The following GALNT18 variants were observed in gnomAD, a reference collection of about 807,000 sequenced individuals.
GALNT18 encodes the protein polypeptide N-acetylgalactosaminyltransferase 18.
Under a neutral mutation model 69.5 loss-of-function variants are expected in GALNT18, and 44 were observed. The ratio of observed to expected loss-of-function variants is 0.63; its 90% confidence interval spans 0.50 to 0.81. The LOEUF (loss-of-function observed/expected upper bound fraction) is 0.81, where lower values mean the gene tolerates loss of function less well. Among genes scored for constraint, GALNT18 ranks in the 40% least tolerant of loss-of-function variants. GALNT18 has a pLI of 0.00. For synonymous variants in GALNT18, 364 were observed against 318.2 expected (o/e 1.14, Z -1.53); for missense variants, 715 against 810.0 (o/e 0.88, Z 1.42).
chr11:11,339,656 T>C lies in GALNT18; in HGVS notation c.1278+1163A>G, dbSNP rs1850169300. On this transcript the variant is annotated intron_variant, in intron 7 of 10. Coordinates refer to ENST00000227756, the MANE Select transcript of GALNT18 (RefSeq NM_198516.3). This position sits in a 1 kb window ranked among gnomAD's most constrained non-coding sequence, Gnocchi z 5.2. ...TACTGTCAGGAATGCAATCCCGGGC[T>C]GGTACATTAGAGTTGGCTGCACTCT... Among the ~76,000 whole-genome samples, 1 of 152,216 alleles carries C rather than the reference T, an allele frequency of 6.6e-6. No homozygotes were observed. Among genetic ancestry groups the C allele is most frequent in the East Asian group, 1.9e-4 (1 of 5,192 alleles).
At chr11:11,534,440 G>A (rs938251318) in intron 1 of GALNT18, among the ~76,000 whole-genome samples, 1 of 152,180 alleles carries the variant, frequency 6.6e-6, no homozygotes, top group African/African-American at 2.4e-5. Context: ...ACAGACATTT[G>A]CTCAATGCCA....
chr11:11,478,903 C>T (rs997590517), intron 1 of GALNT18, among the ~76,000 whole-genome samples: 17 of 152,002 alleles, frequency 1.1e-4, no homozygotes, highest in African/African-American at 3.1e-4. Context: ...CTGTCTGTCT[C>T]TTGCGGCATC....
chr11:11,373,139 G>C (rs1850952586), intron 5 of GALNT18, among the ~76,000 whole-genome samples: 1 of 151,980 alleles, frequency 6.6e-6, no homozygotes, highest in Non-Finnish European at 1.5e-5. Context: ...TGTCCATGAG[G>C]AATTTTAAGC....
At chr11:11,567,778 C>A (rs1277886523) in intron 1 of GALNT18, among the ~76,000 whole-genome samples, 2 of 152,190 alleles carry the variant, frequency 1.3e-5, no homozygotes, top group Non-Finnish European at 2.9e-5. Flanking sequence ...GACTTAGGAT[C>A]CAGAATTCTT....
At chr11:11,303,083 GGGCACTC>G in intron 9 of GALNT18, among the ~76,000 whole-genome samples, 1 of 152,126 alleles carries the variant, frequency 6.6e-6, no homozygotes, top group Non-Finnish European at 1.5e-5. Flanking sequence ...CCATGCATCT[GGGCACTC>G]CCCAGCCCTG....
At position 11,475,591 on chromosome 11, in the gene GALNT18, G is replaced by A. The variant is rs911506198; in HGVS notation, c.236-26655C>T. On this transcript the variant is annotated intron_variant, in intron 1 of 10. Coordinates refer to ENST00000227756, the MANE Select transcript of GALNT18 (RefSeq NM_198516.3). ...AATCTTCAAAACTTGGCCAGAGGCT[G>A]TTGCATCTTGTTACTTATGCTCACT... 3.7e-4 allele frequency: 56 copies of A among 152,320 alleles called. 1 individual carries two copies. Among genetic ancestry groups the A allele is most frequent in the Admixed American group, 2.4e-3 (37 of 15,308 alleles). The allele number at this position is 152,320 out of a possible 1,614,324, so 9.4% of individuals were successfully genotyped here. A position where few individuals can be genotyped will look rare whatever the true frequency, so the allele number is the denominator to read the frequency against.
At chr11:11,289,337 G>T (rs1299707596) in intron 10 of GALNT18, among the ~76,000 whole-genome samples, 4 of 152,192 alleles carry the variant, frequency 2.6e-5, no homozygotes, top group African/African-American at 7.2e-5. Flanking sequence ...TTTTGTAGAA[G>T]GATCAAATAT....
intron 1 of GALNT18, among the ~76,000 whole-genome samples, chr11:11,452,725 T>G (rs1019174160): frequency 6.6e-6 from 1 of 152,142 alleles, no homozygotes; most frequent in Non-Finnish European, 1.5e-5. Flanking sequence ...ACAGGGGTCC[T>G]GGGGTGTTTG....
At position 11,582,412 on chromosome 11, in the gene GALNT18, G is replaced by C. The variant is rs1315587997; in HGVS notation, c.235+38947C>G. Reference sequence around the variant, plus strand: ...CCGTGGCTTGCAGTGCTATCCAGTGGGGGATTCTGTGTCCCATCCCACAGT... The same window carrying C: ...CCGTGGCTTGCAGTGCTATCCAGTGCGGGATTCTGTGTCCCATCCCACAGT... On this transcript the variant is annotated intron_variant, in intron 1 of 10. Coordinates refer to ENST00000227756, the MANE Select transcript of GALNT18 (RefSeq NM_198516.3). The surrounding 1 kb of genome is among the most constrained non-coding windows in gnomAD (Gnocchi z 5.0). 6.6e-6 allele frequency among the ~76,000 whole-genome samples: 1 copy of C among 152,244 alleles called. No homozygotes were observed. The highest frequency in any genetic ancestry group is 1.5e-5 in the Non-Finnish European group (1 of 68,046).
At chr11:11,329,458 C>T (rs1210105778) in intron 8 of GALNT18, among the ~76,000 whole-genome samples, 1 of 152,204 alleles carries the variant, frequency 6.6e-6, no homozygotes, top group Non-Finnish European at 1.5e-5. Context: ...GCTATTCAGC[C>T]TGTGTGGACA....
At chr11:11,449,101 T>C (rs1855732223) in intron 1 of GALNT18, among the ~76,000 whole-genome samples, 165 bp from the exon 2 acceptor site, 2 of 152,208 alleles carry the variant, frequency 1.3e-5, no homozygotes, top group African/African-American at 4.8e-5. Context: ...GACCCATTCA[T>C]CCATGAATCC....
intron 10 of GALNT18, among the ~76,000 whole-genome samples, chr11:11,288,207 T>C (rs546481734): frequency 6.6e-6 from 1 of 152,294 alleles, no homozygotes; most frequent in South Asian, 2.1e-4. Context: ...ACAACCATCA[T>C]TATCTGCTCT....
chr11:11,596,377 A>G lies in GALNT18; in HGVS notation c.235+24982T>C, dbSNP rs1421324504. On this transcript the variant is annotated intron_variant, in intron 1 of 10. Transcript: ENST00000227756. The surrounding 1 kb of genome is among the most constrained non-coding windows in gnomAD (Gnocchi z 4.2). ...TATTTGGCTAGCCTGTATACCTTAA[A>G]TTTCCATCAGAATTTTAAGATAAGC... Among the ~76,000 whole-genome samples, 1 of 152,162 alleles carries G rather than the reference A, an allele frequency of 6.6e-6. No homozygotes were observed. The highest frequency in any genetic ancestry group is 2.4e-5 in the African/African-American group (1 of 41,436).
rs981479780 is a variant in GALNT18, at chr11:11,341,967, A to C, written c.1093-963T>G. ...TGAGATCCTGTCTCTAAAACATTAA[A>C]ATTTTTTTTTTTTTAAAAAGACCTT... On this transcript the variant is annotated intron_variant, in intron 6 of 10. Transcript: ENST00000227756. The surrounding 1 kb of genome is among the most constrained non-coding windows in gnomAD (Gnocchi z 6.3). 2.8e-5 allele frequency among the ~76,000 whole-genome samples: 4 copies of C among 140,456 alleles called. No homozygotes were observed. The highest frequency in any genetic ancestry group is 4.8e-5 in the Non-Finnish European group (3 of 62,202). The allele number at this position is 140,456 out of a possible 152,430, so 92.1% of individuals were successfully genotyped here. A position where few individuals can be genotyped will look rare whatever the true frequency, so the allele number is the denominator to read the frequency against.
rs559008084 is a variant in GALNT18, at chr11:11,377,099, T to C, written c.977+83A>G. On this transcript the variant is annotated intron_variant, in intron 5 of 10. Coordinates refer to ENST00000227756, the MANE Select transcript of GALNT18 (RefSeq NM_198516.3). This position sits in a 1 kb window ranked among gnomAD's most constrained non-coding sequence, Gnocchi z 4.6. Reference sequence around the variant, plus strand: ...TGTCATCCCCACGATGGGGCTCAAGTTGGAGAATAAGCATTGGACCAGTAG... The same window carrying C: ...TGTCATCCCCACGATGGGGCTCAAGCTGGAGAATAAGCATTGGACCAGTAG... The C allele has an allele frequency of 2.8e-4, 370 of 1,329,544 alleles. 2 individuals carry two copies. The highest frequency in any genetic ancestry group is 3.0e-4 in the Non-Finnish European group (278 of 939,548). The allele number at this position is 1,329,544 out of a possible 1,614,324, so 82.4% of individuals were successfully genotyped here.
At chr11:11,518,014 C>T (rs958549865) in intron 1 of GALNT18, among the ~76,000 whole-genome samples, 10 of 152,204 alleles carry the variant, frequency 6.6e-5, no homozygotes, top group African/African-American at 1.4e-4. Context: ...CTGGTTAAAA[C>T]GTTCTGTCCC....
chr11:11,274,518 C>A (rs143340908), intron 10 of GALNT18, among the ~76,000 whole-genome samples: 1 of 152,130 alleles, frequency 6.6e-6, no homozygotes, highest in Non-Finnish European at 1.5e-5. Flanking sequence ...GAGGGACATC[C>A]GCCATTGCTG....
chr11:11,378,997 C>G (rs1853842072), intron 4 of GALNT18, 84 bp downstream of exon 4: 4 of 1,300,612 alleles, frequency 3.1e-6, no homozygotes, highest in Non-Finnish European at 4.1e-6. Flanking sequence ...AGGCTATGAC[C>G]AAGATCCTAG....
chr11:11,377,170 G>T lies in GALNT18; in HGVS notation c.977+12C>A, dbSNP rs757714838. 2 of 1,611,888 alleles carry T rather than the reference G, an allele frequency of 1.2e-6. No homozygotes were observed. The highest frequency in any genetic ancestry group is 2.2e-5 in the East Asian group (1 of 44,858). ...CAAAGCGGAGAGACCCACAGGTAAA[G>T]GTTTGCTTTACCTGATTGGCGCTGT... On this transcript the variant is annotated intron_variant, in intron 5 of 10. Coordinates refer to ENST00000227756, the MANE Select transcript of GALNT18 (RefSeq NM_198516.3). This position sits in a 1 kb window ranked among gnomAD's most constrained non-coding sequence, Gnocchi z 4.6.
Sources: gnomAD v4.1 joint callset for allele counts (sites outside exome capture counted in the v4.1 genomes callset) on GRCh38, gnomAD v4.1.1 for gene constraint, Gnocchi (gnomAD v3.1) non-coding constraint, MANE v1.5 for transcripts, NCBI Gene and HGNC (gene_info 2026-07-23, HGNC 2026-07-21) for gene names.